Variants in CERS6 observed in about 807,000 individuals in gnomAD.
The protein encoded by CERS6 is LAG1 homolog, ceramide synthase 6.
CERS6 carries 26 observed loss-of-function variants against 56.8 expected under a neutral mutation model. That is an observed-to-expected ratio of 0.46 (90% CI 0.34 to 0.63). The LOEUF is 0.63. CERS6 is among the 30% of genes least tolerant of loss of function. The probability of loss-of-function intolerance (pLI) is 0.01; values close to 1 mark genes in which losing one functional copy is unlikely to be tolerated. For synonymous variants in CERS6, 164 were observed against 173.3 expected (o/e 0.95, Z 0.42); for missense variants, 415 against 467.5 (o/e 0.89, Z 1.04).
chr2:168,752,305 GTGTGTGTGTGTGTA>G (rs151284048), intron 8 of CERS6, among the ~76,000 whole-genome samples: 2,038 of 151,036 alleles, frequency 0.013, 42 homozygotes, highest in African/African-American at 0.046. Context: ...GTGTGTGTGT[GTGTGTGTGTGTGTA>G]TAGAGAGAGA....
At chr2:168,687,072 G>A (rs926256976) in intron 4 of CERS6, among the ~76,000 whole-genome samples, 1 of 152,086 alleles carries the variant, frequency 6.6e-6, no homozygotes, top group East Asian at 1.9e-4. Flanking sequence ...ATGGAGAAAG[G>A]GTGAGAGGAA....
chr2:168,759,758 G>C (rs993918782), intron 8 of CERS6, among the ~76,000 whole-genome samples: 1 of 152,096 alleles, frequency 6.6e-6, no homozygotes, highest in Non-Finnish European at 1.5e-5. Context: ...ATGCAGAACA[G>C]TTTACAACTG....
chr2:168,538,007 A>G (rs1695296468), intron 1 of CERS6, among the ~76,000 whole-genome samples: 1 of 152,090 alleles, frequency 6.6e-6, no homozygotes, highest in African/African-American at 2.4e-5. Context: ...CTGTGAGTCC[A>G]GTCTTGAGGA....
Position 168,561,192 on chromosome 2 carries a change from C to A in CERS6, c.277C>A (p.His93Asn). Residue 93 changes from histidine to asparagine, a missense_variant and splice_region_variant, in exon 3 of 10, where the codon CAT (histidine) becomes AAT (asparagine). Coordinates refer to ENST00000305747, the MANE Select transcript of CERS6 (RefSeq NM_203463.3). ...LEKVFTAITK[H>N]PDEKRLEGLS... ...ATTTTTCTGGTACCTTGTTTCATAG[C>A]ATCCTGATGAAAAGAGATTGGAAGG... The A allele has an allele frequency of 6.2e-7, 1 of 1,613,448 alleles. No homozygotes were observed. Among genetic ancestry groups the A allele is most frequent in the Non-Finnish European group, 8.5e-7 (1 of 1,179,562 alleles).
intron 3 of CERS6, among the ~76,000 whole-genome samples, chr2:168,602,720 A>T (rs1316586611): frequency 6.6e-6 from 1 of 152,226 alleles, no homozygotes; most frequent in Non-Finnish European, 1.5e-5. Flanking sequence ...GATGAAGCGA[A>T]GTTCAGGTTG....
At position 168,547,620 on chromosome 2, in the gene CERS6, A is replaced by T; in HGVS notation, c.195A>T (p.Ile65=). 1 of 1,613,770 alleles carries T rather than the reference A, an allele frequency of 6.2e-7. No individual in the cohort carries two copies. Among genetic ancestry groups the T allele is most frequent in the Middle Eastern group, 1.6e-4 (1 of 6,062 alleles). Residue 65 remains isoleucine (I), a synonymous_variant, in exon 2 of 10, where the codon ATA becomes ATT. Coordinates refer to ENST00000305747, the MANE Select transcript of CERS6 (RefSeq NM_203463.3). ...GATTTGTAGCCAAACCGTGCGCCATAGCCCTCAACATTCAGGCCAATGGAC... is the reference window on the plus strand; with the variant it reads ...GATTTGTAGCCAAACCGTGCGCCATTGCCCTCAACATTCAGGCCAATGGAC... ...FERFVAKPCA[I]ALNIQANGPQ... is the part of the protein sequence containing the mutation.
chr2:168,660,320 G>T (rs7565629), intron 4 of CERS6, among the ~76,000 whole-genome samples: 108,094 of 151,984 alleles, frequency 0.71, 38,766 homozygotes, highest in Non-Finnish European at 0.75. Context: ...CTAGAGAAAC[G>T]TCTCACCTTG....
chr2:168,459,783 T>C (rs1272227376), intron 1 of CERS6, among the ~76,000 whole-genome samples: 2 of 152,268 alleles, frequency 1.3e-5, no homozygotes, highest in Non-Finnish European at 2.9e-5. Flanking sequence ...TTAATGCTTG[T>C]TTAGATTCAG....
chr2:168,693,452 TA>T (rs1193608652), intron 5 of CERS6, among the ~76,000 whole-genome samples: 2 of 152,064 alleles, frequency 1.3e-5, no homozygotes, highest in African/African-American at 2.4e-5. Flanking sequence ...GATGTGGAAG[TA>T]AGAGAATATC....
rs145243410 is a variant in CERS6, at chr2:168,612,037, A to T, written c.408-18948A>T. On this transcript the variant is annotated intron_variant, in intron 3 of 9. Transcript: ENST00000305747. ...CATAAGCCAGCTATATAAAAATAGT[A>T]ATGATAGTTAAGAGTTATGGAGCCC... 2.6e-5 allele frequency among the ~76,000 whole-genome samples: 4 copies of T among 152,350 alleles called. No individual in the cohort carries two copies. In the East Asian group the frequency reaches 7.7e-4, roughly 29 times the overall value.
intron 4 of CERS6, among the ~76,000 whole-genome samples, chr2:168,658,758 A>G (rs1195464819): frequency 1.3e-5 from 2 of 152,244 alleles, no homozygotes; most frequent in Non-Finnish European, 2.9e-5. Flanking sequence ...AAGTCAAGTA[A>G]TTCGCCTAAG....
intron 5 of CERS6, among the ~76,000 whole-genome samples, chr2:168,692,734 A>G (rs1334764550): frequency 2.6e-5 from 4 of 152,148 alleles, no homozygotes; most frequent in African/African-American, 9.7e-5. Context: ...ATAGTAATAA[A>G]GAATATTAGC....
rs370694642 is a variant in CERS6, at chr2:168,550,795, G to A, written c.276+3094G>A. Among the ~76,000 whole-genome samples the A allele has an allele frequency of 2.0e-4, 31 of 152,224 alleles. No individual in the cohort carries two copies. In the East Asian group the frequency reaches 2.9e-3, roughly 14 times the overall value. On this transcript the variant is annotated intron_variant, in intron 2 of 9. Coordinates refer to ENST00000305747, the MANE Select transcript of CERS6 (RefSeq NM_203463.3). ...ACAAAAGGCTCAGCCCTACCGAGTCGCCCACCACATGCACTGGGGTAGCTG... is the reference window on the plus strand; with the variant it reads ...ACAAAAGGCTCAGCCCTACCGAGTCACCCACCACATGCACTGGGGTAGCTG...
At chr2:168,575,466 G>T (rs79029503) in intron 3 of CERS6, among the ~76,000 whole-genome samples, 2,840 of 151,924 alleles carry the variant, frequency 0.019, 128 homozygotes, top group East Asian at 0.18. Flanking sequence ...ATCAGCTTTC[G>T]TGAGAACTCA....
intron 8 of CERS6, among the ~76,000 whole-genome samples, chr2:168,730,131 A>G (rs2105410664): frequency 6.6e-6 from 1 of 152,360 alleles, no homozygotes; most frequent in East Asian, 1.9e-4. Context: ...AGAGTGACTT[A>G]GTAGCTTTCA....
Position 168,770,626 on chromosome 2 carries a change from A to G in CERS6, c.*964A>G, listed in dbSNP as rs555322162. 1 of 152,676 alleles carries G rather than the reference A, an allele frequency of 6.5e-6. No homozygotes were observed. The highest frequency in any genetic ancestry group is 1.5e-5 in the Non-Finnish European group (1 of 68,050). 9.5% of individuals were successfully genotyped at this position (152,676 alleles called of 1,614,324 possible). ...GTTAACTATATTTGGGGACAAAAAAATATTTCAAGAGTTGATAAAGATTAC... is the reference window on the plus strand; with the variant it reads ...GTTAACTATATTTGGGGACAAAAAAGTATTTCAAGAGTTGATAAAGATTAC... On this transcript the variant is annotated 3_prime_UTR_variant, in exon 10 of 10. Coordinates refer to ENST00000305747, the MANE Select transcript of CERS6 (RefSeq NM_203463.3).
intron 2 of CERS6, among the ~76,000 whole-genome samples, chr2:168,551,726 G>T (rs1173432320): frequency 2.6e-5 from 4 of 152,140 alleles, no homozygotes; most frequent in Non-Finnish European, 5.9e-5. Context: ...TGTTTCTATA[G>T]ATTCTCCTCA....
At chr2:168,523,693 A>G (rs1695023107) in intron 1 of CERS6, among the ~76,000 whole-genome samples, 1 of 152,092 alleles carries the variant, frequency 6.6e-6, no homozygotes, top group African/African-American at 2.4e-5. Context: ...TATTATAGGA[A>G]GATTTGGAGA....
At chr2:168,604,419 G>T (rs1273729557) in intron 3 of CERS6, among the ~76,000 whole-genome samples, 1 of 151,894 alleles carries the variant, frequency 6.6e-6, no homozygotes, top group East Asian at 1.9e-4. Context: ...GTAGGTCAGG[G>T]GTTGGTAAAC....
Sources: gnomAD v4.1 joint callset for allele counts (sites outside exome capture counted in the v4.1 genomes callset) on GRCh38, gnomAD v4.1.1 for gene constraint, MANE v1.5 for transcripts, NCBI Gene and HGNC (gene_info 2026-07-23, HGNC 2026-07-21) for gene names.